JAKMIP2: variants seen among roughly 807,000 people sequenced by gnomAD.
JAKMIP2 encodes the protein janus kinase and microtubule-interacting protein 2.
In JAKMIP2, 25 loss-of-function variants were observed where a neutral mutation model predicts 115.0. That is an observed-to-expected ratio of 0.22 (90% CI 0.16 to 0.30). The LOEUF (loss-of-function observed/expected upper bound fraction) is 0.30, where lower values mean the gene tolerates loss of function less well. JAKMIP2 is among the 10% of genes least tolerant of loss of function. The pLI, the probability that JAKMIP2 is intolerant of heterozygous loss-of-function variation, is 1.00. For synonymous variants in JAKMIP2, 334 were observed against 343.6 expected (o/e 0.97, Z 0.31); for missense variants, 642 against 957.6 (o/e 0.67, Z 4.35).
At chr5:147,762,409 C>G (rs1472016227) in intron 1 of JAKMIP2, among the ~76,000 whole-genome samples, 1 of 152,094 alleles carries the variant, frequency 6.6e-6, no homozygotes, top group East Asian at 1.9e-4. Context: ...TACCATCAAC[C>G]AGGTGGCTTA....
intron 12 of JAKMIP2, among the ~76,000 whole-genome samples, chr5:147,635,091 C>T (rs570561570): frequency 5.9e-5 from 9 of 152,152 alleles, no homozygotes; most frequent in Non-Finnish European, 1.3e-4. Flanking sequence ...GCAGGAGAAT[C>T]GCTTCAACCT....
chr5:147,644,003 G>A, intron 7 of JAKMIP2, 55 bp downstream of exon 7: 1 of 1,423,382 alleles, frequency 7.0e-7, no homozygotes, highest in South Asian at 1.7e-5. Context: ...TGTATATTTT[G>A]TTGGCTACTT....
intron 2 of JAKMIP2, among the ~76,000 whole-genome samples, chr5:147,667,195 G>C (rs543168158): frequency 3.2e-4 from 48 of 152,230 alleles, no homozygotes; most frequent in South Asian, 2.3e-3. Flanking sequence ...GGGTGAAGGG[G>C]AGAGCACTCG....
intron 6 of JAKMIP2, among the ~76,000 whole-genome samples, 165 bp from the exon 7 acceptor site, chr5:147,644,363 C>T (rs1488951819): frequency 6.6e-6 from 1 of 152,136 alleles, no homozygotes; most frequent in Admixed American, 6.5e-5. Context: ...ATTTTATCTG[C>T]CATAATAAGT....
chr5:147,645,624 C>T (rs1039387351), intron 5 of JAKMIP2, among the ~76,000 whole-genome samples: 2 of 152,126 alleles, frequency 1.3e-5, no homozygotes, highest in African/African-American at 4.8e-5. Context: ...TTGTTATCCA[C>T]CCATAATTAA....
intron 1 of JAKMIP2, among the ~76,000 whole-genome samples, chr5:147,695,929 G>C (rs753052029): frequency 1.3e-5 from 2 of 152,028 alleles, no homozygotes; most frequent in Non-Finnish European, 2.9e-5. Flanking sequence ...CAAAGATGAA[G>C]TGTTTAAAGT....
intron 16 of JAKMIP2, among the ~76,000 whole-genome samples, chr5:147,626,737 G>C (rs938854277): frequency 6.6e-6 from 1 of 152,156 alleles, no homozygotes; most frequent in South Asian, 2.1e-4. Flanking sequence ...TCTCCCATCA[G>C]TCTCAGTAAA....
chr5:147,757,227 G>A (rs1320006610), intron 1 of JAKMIP2, among the ~76,000 whole-genome samples: 2 of 152,052 alleles, frequency 1.3e-5, no homozygotes, highest in East Asian at 3.9e-4. Flanking sequence ...GGTAGCCACT[G>A]GGACCAAAAA....
chr5:147,710,371 A>G (rs1439297031), intron 1 of JAKMIP2, among the ~76,000 whole-genome samples: 1 of 152,226 alleles, frequency 6.6e-6, no homozygotes, highest in Admixed American at 6.5e-5. Context: ...GCTATCAAAA[A>G]AAGAAAGTTA....
chr5:147,676,201 C>A (rs540264121), intron 1 of JAKMIP2, among the ~76,000 whole-genome samples: 2 of 152,258 alleles, frequency 1.3e-5, no homozygotes, highest in South Asian at 4.1e-4. Flanking sequence ...CCGGACGTGG[C>A]GGCCGGCGCC....
At chr5:147,599,650 T>C (rs1037010366) in intron 21 of JAKMIP2, among the ~76,000 whole-genome samples, 15 of 152,190 alleles carry the variant, frequency 9.9e-5, no homozygotes, top group African/African-American at 3.6e-4. Context: ...AGCCAGTAGC[T>C]AAGTAGTACT....
rs191061055 is a variant in JAKMIP2 at position 147,616,109 on chromosome 5, G to A, written c.2346+1802C>T. Among the ~76,000 whole-genome samples the A allele has an allele frequency of 2.0e-5, 3 of 152,196 alleles. No homozygotes were observed. The East Asian group carries it at 5.8e-4, about 29-fold the overall frequency. On this transcript the variant is annotated intron_variant, in intron 19 of 21. Transcript: ENST00000616793. ...GACAGGCAGATGGGGAGAGAGAAGA[G>A]AAGTAAGGATAAGAACGCATCAGTT...
At chr5:147,646,964 A>G (rs1758164788) in intron 5 of JAKMIP2, among the ~76,000 whole-genome samples, 1 of 151,934 alleles carries the variant, frequency 6.6e-6, no homozygotes, top group Non-Finnish European at 1.5e-5. Context: ...AAGCAGACAA[A>G]AATATCAGTA....
chr5:147,732,862 T>C (rs1165396955), intron 1 of JAKMIP2, among the ~76,000 whole-genome samples: 2 of 152,242 alleles, frequency 1.3e-5, no homozygotes, highest in African/African-American at 4.8e-5. Flanking sequence ...TTATCTTTTA[T>C]GGTATTATGT....
intron 1 of JAKMIP2, among the ~76,000 whole-genome samples, chr5:147,746,004 T>G (rs2127007084): frequency 6.6e-6 from 1 of 152,306 alleles, no homozygotes; most frequent in South Asian, 2.1e-4. Context: ...ACAATTATTA[T>G]TGTTTCTGAT....
rs376506550 is a variant in JAKMIP2 at position 147,617,038 on chromosome 5, G to A, written c.2346+873C>T. On this transcript the variant is annotated intron_variant, in intron 19 of 21. Coordinates refer to ENST00000616793, the MANE Select transcript of JAKMIP2 (RefSeq NM_001270941.2). ...TTCTGAGGATTGAATACTATAACCT[G>A]ACACTTTCAATGCTGGAATCCTTAT... Among the ~76,000 whole-genome samples the A allele has an allele frequency of 9.9e-5, 15 of 152,228 alleles. No individual in the cohort carries two copies. The East Asian group carries it at 2.3e-3, about 24-fold the overall frequency.
chr5:147,751,469 G>C (rs551155670), intron 1 of JAKMIP2, among the ~76,000 whole-genome samples: 1 of 152,010 alleles, frequency 6.6e-6, no homozygotes, highest in African/African-American at 2.4e-5. Context: ...GATGTAGTTT[G>C]GCTTTCCTAC....
chr5:147,649,286 C>T (rs1353854283), intron 4 of JAKMIP2, among the ~76,000 whole-genome samples: 2 of 152,160 alleles, frequency 1.3e-5, no homozygotes, highest in African/African-American at 2.4e-5. Context: ...TAGGTAATAA[C>T]TCCTTTAAGG....
intron 2 of JAKMIP2, chr5:147,662,040 TTTTC>T (rs200548891): frequency 4.7e-4 from 71 of 150,736 alleles, no homozygotes; most frequent in East Asian, 2.5e-3. Context: ...CCCTCTTTTC[TTTTC>T]TTTTTTTTTT....
Sources: gnomAD v4.1 joint callset for allele counts (sites outside exome capture counted in the v4.1 genomes callset) on GRCh38, gnomAD v4.1.1 for gene constraint, MANE v1.5 for transcripts, NCBI Gene and HGNC (gene_info 2026-07-23, HGNC 2026-07-21) for gene names.